AKAP6: variants seen among roughly 807,000 people sequenced by gnomAD.
The protein encoded by AKAP6 is A-kinase anchoring protein 6, also known as A-kinase anchor protein 6.
In AKAP6, 58 loss-of-function variants were observed where a neutral mutation model predicts 188.5. That is an observed-to-expected ratio of 0.31 (90% confidence interval 0.25 to 0.38). AKAP6 has a LOEUF of 0.38. AKAP6 is among the 10% of genes least tolerant of loss of function. AKAP6 has a pLI of 1.00. For missense variants in AKAP6, 2,710 were observed against 2,740.0 expected (o/e 0.99, Z 0.24); for synonymous variants, 989 against 998.6 (o/e 0.99, Z 0.18).
rs60851991 is a variant in AKAP6, at chr14:32,570,124, C to CTTTT, written c.2347-6974_2347-6971dup. ...CCCCTATATTGTGACTGTGTGGGAACTTTTTTTTTTTTTTTTTTTTTTTTT... is the reference window on the plus strand; with the variant it reads ...CCCCTATATTGTGACTGTGTGGGAACTTTTTTTTTTTTTTTTTTTTTTTTTTTTT... On this transcript the variant is annotated intron_variant, in intron 4 of 13. Transcript: ENST00000280979. Among the ~76,000 whole-genome samples the CTTTT allele has an allele frequency of 1.8e-3, 131 of 74,854 alleles. 1 individual carries two copies. The highest frequency in any genetic ancestry group is 0.014 in the Middle Eastern group (1 of 74). The allele number at this position is 74,854 out of a possible 152,430, so 49.1% of individuals were successfully genotyped here.
At chr14:32,799,947 T>A (rs1056865496) in intron 12 of AKAP6, among the ~76,000 whole-genome samples, 1 of 151,500 alleles carries the variant, frequency 6.6e-6, no homozygotes, top group Non-Finnish European at 1.5e-5. Context: ...TGGTGGCTCA[T>A]GCCTGTAATC....
intron 2 of AKAP6, among the ~76,000 whole-genome samples, chr14:32,477,235 A>G (rs1879114736): frequency 6.6e-6 from 1 of 152,170 alleles, no homozygotes; most frequent in Admixed American, 6.5e-5. Context: ...TAATTTCTAC[A>G]GGGAACATCT....
rs763010433 is a variant in AKAP6 at position 32,823,221 on chromosome 14, A to T, written c.5408A>T (p.Gln1803Leu). ...CTAGACTACATAAAGAATGAATTAC[A>T]GACCTGGATTAGGCCAAAATTGTCT... Reference protein sequence around the residue: ...SGLDYIKNELQTWIRPKLSLT... With the variant: ...SGLDYIKNELLTWIRPKLSLT... The change falls in exon 13 of 14, where the codon CAG becomes CTG. Residue 1803 changes from glutamine to leucine, a missense_variant. Gln to Leu is a moderately radical substitution (Grantham distance 113). Transcript: ENST00000280979. The T allele has an allele frequency of 1.2e-6, 2 of 1,613,808 alleles. No individual in the cohort carries two copies. Among genetic ancestry groups the T allele is most frequent in the Admixed American group, 3.3e-5 (2 of 59,950 alleles).
At chr14:32,672,668 A>G (rs1157713484) in intron 7 of AKAP6, among the ~76,000 whole-genome samples, 7 of 152,022 alleles carry the variant, frequency 4.6e-5, no homozygotes, top group African/African-American at 1.7e-4. Context: ...TCAACATAGG[A>G]ATTTGGGGGT....
intron 9 of AKAP6, among the ~76,000 whole-genome samples, chr14:32,706,001 A>C (rs1292971343): frequency 1.3e-5 from 2 of 152,142 alleles, no homozygotes; most frequent in African/African-American, 4.8e-5. Flanking sequence ...CCAACTTCAA[A>C]GTAGATGGGG....
chr14:32,423,454 C>T (rs570188024), intron 1 of AKAP6, among the ~76,000 whole-genome samples: 15 of 152,140 alleles, frequency 9.9e-5, no homozygotes, highest in Non-Finnish European at 1.6e-4. Flanking sequence ...GCTGGGATTA[C>T]AGGCATGAGC....
chr14:32,428,589 C>T (rs557448557), intron 1 of AKAP6, among the ~76,000 whole-genome samples: 66 of 152,228 alleles, frequency 4.3e-4, no homozygotes, highest in African/African-American at 7.5e-4. Flanking sequence ...GCAAGATACC[C>T]GGCTTTTCTG....
intron 11 of AKAP6, among the ~76,000 whole-genome samples, chr14:32,770,901 G>C (rs1233872467): frequency 1.3e-5 from 2 of 152,204 alleles, no homozygotes; most frequent in Non-Finnish European, 2.9e-5. Context: ...GAGGAGATCA[G>C]GGAGGTAGGG....
intron 4 of AKAP6, among the ~76,000 whole-genome samples, chr14:32,548,988 G>C (rs975503873): frequency 2.0e-5 from 3 of 152,122 alleles, no homozygotes; most frequent in Admixed American, 2.0e-4. Flanking sequence ...TAAAGGTATA[G>C]TGCATATGGA....
intron 12 of AKAP6, among the ~76,000 whole-genome samples, chr14:32,798,592 A>T (rs2033845618): frequency 6.6e-6 from 1 of 152,204 alleles, no homozygotes; most frequent in Non-Finnish European, 1.5e-5. Flanking sequence ...GGAACTGGAG[A>T]CCATTACCCT....
Position 32,492,337 on chromosome 14 carries a change from A to AATATATATATATATAT in AKAP6, c.325-43213_325-43198dup, listed in dbSNP as rs148154496. 2.5e-3 allele frequency among the ~76,000 whole-genome samples: 195 copies of AATATATATATATATAT among 76,620 alleles called. 1 individual carries two copies. Among genetic ancestry groups the AATATATATATATATAT allele is most frequent in the Middle Eastern group, 7.5e-3 (1 of 134 alleles). 50.3% of individuals were successfully genotyped at this position (76,620 alleles called of 152,430 possible). ...CACTGTGCTTCTCAAACTACATTGTAATATATATATATATATATAGAGAGA... is the reference window on the plus strand; with the variant it reads ...CACTGTGCTTCTCAAACTACATTGTAATATATATATATATATATATATATATATATATATAGAGAGA... On this transcript the variant is annotated intron_variant, in intron 2 of 13. Coordinates refer to ENST00000280979, the MANE Select transcript of AKAP6 (RefSeq NM_004274.5).
intron 5 of AKAP6, among the ~76,000 whole-genome samples, chr14:32,588,774 A>T (rs1462512098): frequency 2.0e-5 from 3 of 152,222 alleles, no homozygotes; most frequent in African/African-American, 7.2e-5. Flanking sequence ...CAATTTAATT[A>T]TGAAGTGTCT....
At chr14:32,766,924 G>A (rs1389009169) in intron 11 of AKAP6, among the ~76,000 whole-genome samples, 1 of 151,974 alleles carries the variant, frequency 6.6e-6, no homozygotes, top group Non-Finnish European at 1.5e-5. Context: ...TTTCTTCTAA[G>A]ATTTTTATAG....
chr14:32,496,165 G>T (rs1026108956), intron 2 of AKAP6, among the ~76,000 whole-genome samples: 1 of 152,142 alleles, frequency 6.6e-6, no homozygotes, highest in Non-Finnish European at 1.5e-5. Context: ...CCTAAAACAT[G>T]TAAATCAGGT....
chr14:32,378,974 A>G lies in AKAP6; in HGVS notation c.-35+49566A>G, dbSNP rs373345226. On this transcript the variant is annotated intron_variant, in intron 1 of 13. Coordinates refer to ENST00000280979, the MANE Select transcript of AKAP6 (RefSeq NM_004274.5). The stretch of plus-strand genomic sequence containing the variant: ...ACTCTTGTCACCCAGGCTAGAGTGC[A>G]GTGGTGCGGTCTTGGTTCACTGCAA... 4.8e-5 allele frequency among the ~76,000 whole-genome samples: 7 copies of G among 144,486 alleles called. No homozygotes were observed. In the South Asian group the frequency reaches 1.5e-3, roughly 31 times the overall value. 94.8% of individuals were successfully genotyped at this position (144,486 alleles called of 152,430 possible). A position where few individuals can be genotyped will look rare whatever the true frequency, so the allele number is the denominator to read the frequency against.
chr14:32,682,676 A>C (rs1330543068), intron 8 of AKAP6, among the ~76,000 whole-genome samples: 1 of 152,212 alleles, frequency 6.6e-6, no homozygotes, highest in Non-Finnish European at 1.5e-5. Context: ...TAACCGAGAT[A>C]GTGCATCAGG....
At chr14:32,476,666 G>T (rs1211642586) in intron 2 of AKAP6, among the ~76,000 whole-genome samples, 3 of 152,160 alleles carry the variant, frequency 2.0e-5, no homozygotes, top group African/African-American at 7.2e-5. Flanking sequence ...AAAATAATAG[G>T]GAGGGATTTT....
intron 7 of AKAP6, among the ~76,000 whole-genome samples, chr14:32,677,731 G>T (rs566278862): frequency 6.6e-6 from 1 of 152,286 alleles, no homozygotes; most frequent in Admixed American, 6.5e-5. Context: ...TGAGCCCTAA[G>T]TATGAAAGAT....
At chr14:32,742,927 T>G (rs971120212) in intron 11 of AKAP6, among the ~76,000 whole-genome samples, 2 of 152,112 alleles carry the variant, frequency 1.3e-5, no homozygotes, top group African/African-American at 4.8e-5. Flanking sequence ...TTTTTCTTGA[T>G]TTTATGTCTA....
Sources: gnomAD v4.1 joint callset for allele counts (sites outside exome capture counted in the v4.1 genomes callset) on GRCh38, gnomAD v4.1.1 for gene constraint, MANE v1.5 for transcripts, NCBI Gene and HGNC (gene_info 2026-07-23, HGNC 2026-07-21) for gene names.